WDR7: variants seen among roughly 807,000 people sequenced by gnomAD.
WDR7 encodes WD repeat-containing protein 7.
In WDR7, 46 loss-of-function variants were observed where a neutral mutation model predicts 169.4. That is an observed-to-expected ratio of 0.27 (90% CI 0.21 to 0.35). WDR7 has a LOEUF of 0.35. Ranked by LOEUF, WDR7 falls within the 10% of genes least tolerant of loss-of-function variation. The probability of loss-of-function intolerance (pLI) is 1.00; values close to 1 mark genes in which losing one functional copy is unlikely to be tolerated. For missense variants in WDR7, 1,534 were observed against 1,859.3 expected (o/e 0.83, Z 3.22); for synonymous variants, 612 against 666.8 (o/e 0.92, Z 1.27).
At chr18:56,753,938 G>T (rs1278821901) in intron 14 of WDR7, among the ~76,000 whole-genome samples, 2 of 151,598 alleles carry the variant, frequency 1.3e-5, no homozygotes, top group African/African-American at 4.8e-5. Context: ...TTGATTATAT[G>T]ATTATATACA....
chr18:56,718,080 A>G lies in WDR7; in HGVS notation c.1695A>G (p.Val565=). The change falls in exon 13 of 28, where the codon GTA becomes GTG. Residue 565 remains valine, a synonymous_variant. Coordinates refer to ENST00000254442, the MANE Select transcript of WDR7 (RefSeq NM_015285.3). Reference sequence around the variant, plus strand: ...CTCGTCACCTTTTTCCTATTCAAGTAATCAAATGGAGGCCTTCTGATGATT... The same window carrying G: ...CTCGTCACCTTTTTCCTATTCAAGTGATCAAATGGAGGCCTTCTGATGATT... The part of the protein sequence containing the change: ...LASRHLFPIQ[V]IKWRPSDDYL... 6.2e-7 allele frequency: 1 copy of G among 1,614,172 alleles called. No homozygotes were observed. Among genetic ancestry groups the G allele is most frequent in the Non-Finnish European group, 8.5e-7 (1 of 1,180,012 alleles).
intron 2 of WDR7, 146 bp downstream of exon 2, chr18:56,672,820 T>C (rs1451339826): frequency 1.3e-6 from 1 of 745,646 alleles, no homozygotes; most frequent in Non-Finnish European, 1.9e-6. Context: ...TACAGATTCA[T>C]TATTTACACT....
At chr18:56,739,760 G>A (rs185348326) in intron 14 of WDR7, among the ~76,000 whole-genome samples, 1 of 142,334 alleles carries the variant, frequency 7.0e-6, no homozygotes, top group Non-Finnish European at 1.5e-5. Context: ...TCTTTTTTTG[G>A]GGGGGGGAAT....
intron 14 of WDR7, among the ~76,000 whole-genome samples, chr18:56,752,240 C>T (rs1311595110): frequency 6.6e-6 from 1 of 152,174 alleles, no homozygotes; most frequent in African/African-American, 2.4e-5. Context: ...AGGATAAAGC[C>T]ATGCCTTGCA....
At chr18:56,754,099 T>C (rs2043836373) in intron 14 of WDR7, among the ~76,000 whole-genome samples, 1 of 151,840 alleles carries the variant, frequency 6.6e-6, no homozygotes, top group African/African-American at 2.4e-5. Flanking sequence ...CAGTCACATA[T>C]ATATGTATGT....
chr18:56,839,071 A>G (rs1010733877), intron 20 of WDR7, among the ~76,000 whole-genome samples: 1 of 152,178 alleles, frequency 6.6e-6, no homozygotes, highest in Non-Finnish European at 1.5e-5. Context: ...TGTTTAACAA[A>G]GCTAAATTAA....
intron 13 of WDR7, among the ~76,000 whole-genome samples, chr18:56,723,721 G>T (rs2026374366): frequency 6.6e-6 from 1 of 151,932 alleles, no homozygotes; most frequent in Non-Finnish European, 1.5e-5. Context: ...CCGTGGCTGT[G>T]TAGATTTTAT....
At chr18:56,696,053 T>C (rs1167949899) in intron 11 of WDR7, among the ~76,000 whole-genome samples, 189 bp from the exon 12 acceptor site, 2 of 152,226 alleles carry the variant, frequency 1.3e-5, no homozygotes, top group Non-Finnish European at 2.9e-5. Flanking sequence ...ATTACCCCCA[T>C]TTCAAGTGCT....
chr18:56,878,104 A>G lies in WDR7; in HGVS notation c.3305-1840A>G, dbSNP rs1303475502. On this transcript the variant is annotated intron_variant, in intron 20 of 27. Coordinates refer to ENST00000254442, the MANE Select transcript of WDR7 (RefSeq NM_015285.3). ...AACTATGTAAGTCTTAAAAGAATGT[A>G]GCAAGAGTGAGGTTAAGAAAGGAAA... Among the ~76,000 whole-genome samples the G allele has an allele frequency of 2.6e-5, 4 of 152,360 alleles. 1 individual carries two copies. The East Asian group carries it at 7.7e-4, about 29-fold the overall frequency.
chr18:57,017,785 C>A (rs1287165864), intron 26 of WDR7, among the ~76,000 whole-genome samples: 1 of 152,248 alleles, frequency 6.6e-6, no homozygotes, highest in East Asian at 1.9e-4. Context: ...TCTGGAAAGA[C>A]AAACATTTTC....
chr18:56,783,959 C>T (rs1377835212), intron 19 of WDR7, among the ~76,000 whole-genome samples: 1 of 152,174 alleles, frequency 6.6e-6, no homozygotes, highest in South Asian at 2.1e-4. Context: ...GGTGTGTTAG[C>T]AGGCCCAGAG....
intron 19 of WDR7, among the ~76,000 whole-genome samples, chr18:56,805,145 G>C (rs1312702403): frequency 6.6e-6 from 1 of 152,096 alleles, no homozygotes; most frequent in East Asian, 1.9e-4. Flanking sequence ...TTGGGTTCTA[G>C]ATGTTCCTTA....
chr18:56,720,363 C>A (rs2026294020), intron 13 of WDR7, among the ~76,000 whole-genome samples: 1 of 152,052 alleles, frequency 6.6e-6, no homozygotes, highest in African/African-American at 2.4e-5. Context: ...GTGAGAGAAT[C>A]ACTTGAGACC....
At chr18:57,019,200 A>G (rs2048250462) in intron 26 of WDR7, among the ~76,000 whole-genome samples, 1 of 152,168 alleles carries the variant, frequency 6.6e-6, no homozygotes. Flanking sequence ...GACTGTTTAT[A>G]TGTGTCTGGT....
intron 20 of WDR7, among the ~76,000 whole-genome samples, chr18:56,878,071 AAG>A (rs1485238476): frequency 6.6e-6 from 1 of 152,224 alleles, no homozygotes; most frequent in African/African-American, 2.4e-5. Context: ...AGAACTAAAA[AAG>A]GGTAGAACTA....
intron 20 of WDR7, among the ~76,000 whole-genome samples, chr18:56,859,845 G>A (rs1377023693): frequency 6.6e-6 from 1 of 152,088 alleles, no homozygotes; most frequent in African/African-American, 2.4e-5. Flanking sequence ...GGGTAGTCCG[G>A]CTCTTCACAC....
intron 20 of WDR7, among the ~76,000 whole-genome samples, chr18:56,841,157 C>T (rs1303456194): frequency 6.6e-6 from 1 of 151,718 alleles, no homozygotes; most frequent in East Asian, 1.9e-4. Flanking sequence ...CGCACCACCG[C>T]ACTCCAGCCT....
intron 14 of WDR7, among the ~76,000 whole-genome samples, chr18:56,747,898 G>GT (rs1397762815): frequency 7.0e-4 from 104 of 149,272 alleles, no homozygotes; most frequent in African/African-American, 2.0e-3. Context: ...GATTAGGGCA[G>GT]TTTTTTTTTT....
At chr18:56,827,065 C>T (rs1599078571) in intron 20 of WDR7, among the ~76,000 whole-genome samples, 1 of 152,114 alleles carries the variant, frequency 6.6e-6, no homozygotes, top group Non-Finnish European at 1.5e-5. Flanking sequence ...GGTAAGCCTG[C>T]GCTTATTGCG....
Sources: allele counts gnomAD v4.1 joint callset (sites outside exome capture counted in the v4.1 genomes callset), GRCh38; gene constraint gnomAD v4.1.1; transcripts MANE v1.5; gene names NCBI Gene and HGNC (gene_info 2026-07-23, HGNC 2026-07-21).